Variants in YAP1 observed in about 807,000 individuals in gnomAD.
YAP1 encodes transcriptional coactivator YAP1.
A neutral mutation model predicts 56.9 loss-of-function variants in YAP1; 5 were observed. That is an observed-to-expected ratio of 0.09 (90% CI 0.05 to 0.18). The LOEUF is 0.18. YAP1 is among the 10% of genes least tolerant of loss of function. The pLI is 1.00. For synonymous variants in YAP1, 265 were observed against 248.1 expected, an observed-to-expected ratio of 1.07 and a Z score of -0.64; for missense variants, 539 against 651.8, an observed-to-expected ratio of 0.83 and a Z score of 1.88.
At chr11:102,128,831 G>A (rs916930415) in intron 2 of YAP1, among the ~76,000 whole-genome samples, 1 of 152,144 alleles carries the variant, frequency 6.6e-6, no homozygotes, top group African/African-American at 2.4e-5. Flanking sequence ...CCATTTCCAA[G>A]TTCTTCATCT....
At chr11:102,192,944 TG>T in intron 4 of YAP1, among the ~76,000 whole-genome samples, 1 of 152,184 alleles carries the variant, frequency 6.6e-6, no homozygotes, top group Non-Finnish European at 1.5e-5. Context: ...TGGGAAGTGC[TG>T]GGCTGAATAG....
intron 3 of YAP1, among the ~76,000 whole-genome samples, chr11:102,181,241 C>G (rs187534848): frequency 2.8e-4 from 43 of 151,756 alleles, no homozygotes; most frequent in African/African-American, 8.7e-4. Flanking sequence ...GTCAGGAGAT[C>G]GCGACAATCC....
At chr11:102,198,799 T>G (rs1200339526) in intron 4 of YAP1, among the ~76,000 whole-genome samples, 1 of 152,168 alleles carries the variant, frequency 6.6e-6, no homozygotes, top group Non-Finnish European at 1.5e-5. Flanking sequence ...ATAAAATGTT[T>G]CTGTGTGGAA....
At chr11:102,112,597 C>T (rs1220383136) in intron 1 of YAP1, 1 of 985,248 alleles carries the variant, frequency 1.0e-6, no homozygotes, top group East Asian at 1.1e-4. Flanking sequence ...CTCCTATTTG[C>T]AGGCCTGTTG....
chr11:102,140,172 A>G (rs1180383640), intron 2 of YAP1, among the ~76,000 whole-genome samples: 6 of 142,402 alleles, frequency 4.2e-5, no homozygotes, highest in Non-Finnish European at 6.2e-5. Flanking sequence ...GTGTTGTTGC[A>G]TGTTATTCTC....
intron 4 of YAP1, among the ~76,000 whole-genome samples, chr11:102,199,247 A>C (rs761522775): frequency 6.6e-6 from 1 of 152,228 alleles, no homozygotes; most frequent in Non-Finnish European, 1.5e-5. Flanking sequence ...ACCAAGGATT[A>C]AGTGAATTAC....
intron 2 of YAP1, among the ~76,000 whole-genome samples, chr11:102,154,502 A>G (rs1945834426): frequency 6.6e-6 from 1 of 152,170 alleles, no homozygotes; most frequent in African/African-American, 2.4e-5. Context: ...ATATGTGTGT[A>G]TATACATACA....
chr11:102,157,179 C>T (rs1946005338), intron 2 of YAP1, among the ~76,000 whole-genome samples: 1 of 152,046 alleles, frequency 6.6e-6, no homozygotes, highest in African/African-American at 2.4e-5. Flanking sequence ...ATCATAGAGG[C>T]AAAATGTTTA....
intron 4 of YAP1, among the ~76,000 whole-genome samples, chr11:102,191,454 G>C (rs1948276904): frequency 6.6e-6 from 1 of 151,586 alleles, no homozygotes; most frequent in African/African-American, 2.4e-5. Context: ...AGGTTATATA[G>C]TTAAATGGCA....
intron 2 of YAP1, among the ~76,000 whole-genome samples, chr11:102,130,136 A>T (rs1474402798): frequency 6.6e-6 from 1 of 152,158 alleles, no homozygotes; most frequent in African/African-American, 2.4e-5. Context: ...TAGCAGTCAG[A>T]GAAGAGGGTT....
At chr11:102,146,651 G>C (rs1945337328) in intron 2 of YAP1, among the ~76,000 whole-genome samples, 2 of 152,058 alleles carry the variant, frequency 1.3e-5, no homozygotes, top group Admixed American at 6.5e-5. Context: ...TATTCCTATA[G>C]CATTTCCTCA....
At chr11:102,174,679 C>G (rs1295508784) in intron 3 of YAP1, among the ~76,000 whole-genome samples, 2 of 152,134 alleles carry the variant, frequency 1.3e-5, no homozygotes, top group Non-Finnish European at 2.9e-5. Context: ...CAGATAGGCT[C>G]TTAATCATGT....
At chr11:102,189,398 C>T (rs992715606) in intron 4 of YAP1, among the ~76,000 whole-genome samples, 8 of 151,994 alleles carry the variant, frequency 5.3e-5, no homozygotes, top group Non-Finnish European at 7.4e-5. Context: ...ATGTTATTTT[C>T]GCTATTGTTT....
chr11:102,229,260 A>G (rs1950349594), intron 8 of YAP1, among the ~76,000 whole-genome samples: 1 of 152,162 alleles, frequency 6.6e-6, no homozygotes, highest in African/African-American at 2.4e-5. Flanking sequence ...GTATTCTTGC[A>G]GTCTTTCTAT....
intron 2 of YAP1, among the ~76,000 whole-genome samples, chr11:102,146,171 C>T (rs1044322644): frequency 2.0e-5 from 3 of 152,172 alleles, no homozygotes; most frequent in Non-Finnish European, 4.4e-5. Context: ...AGCCTCATCT[C>T]TCCCTCCCTC....
chr11:102,230,852 C>T lies in YAP1; in HGVS notation c.*912C>T, dbSNP rs147570253. The T allele has an allele frequency of 0.014, 2,122 of 152,218 alleles. 21 individuals are homozygous for T. The highest frequency in any genetic ancestry group is 0.02 in the Non-Finnish European group (1,334 of 67,994). The allele number at this position is 152,218 out of a possible 1,614,324, so 9.4% of individuals were successfully genotyped here. A position where few individuals can be genotyped will look rare whatever the true frequency, so the allele number is the denominator to read the frequency against. ...ACCTTATTTAAATCTCGATTATCTGCTCTCTCTTTTATATACATACACACA... is the reference window on the plus strand; with the variant it reads ...ACCTTATTTAAATCTCGATTATCTGTTCTCTCTTTTATATACATACACACA... On this transcript the variant is annotated 3_prime_UTR_variant, in exon 9 of 9. Coordinates refer to ENST00000282441, the MANE Select transcript of YAP1 (RefSeq NM_001130145.3).
In YAP1 at chr11:102,224,433, CCTT is replaced by C. The variant is rs371815948; in HGVS notation, c.1163+687_1163+689del. Among the ~76,000 whole-genome samples the C allele has an allele frequency of 2.0e-3, 308 of 152,248 alleles. 1 individual carries two copies. The highest frequency in any genetic ancestry group is 7.0e-3 in the African/African-American group (290 of 41,544). The stretch of plus-strand genomic sequence containing the variant: ...TTAAGATTAAGATTTAACTAAAATT[CCTT>C]CTTCTAGGTTGTGGAGTTTCAAACT... On this transcript the variant is annotated intron_variant, in intron 7 of 8. Coordinates refer to ENST00000282441, the MANE Select transcript of YAP1 (RefSeq NM_001130145.3).
intron 2 of YAP1, among the ~76,000 whole-genome samples, chr11:102,154,846 G>A (rs1448279565): frequency 6.6e-6 from 1 of 152,168 alleles, no homozygotes; most frequent in African/African-American, 2.4e-5. Flanking sequence ...ATACGCAATG[G>A]ATATGGTTTC....
intron 3 of YAP1, among the ~76,000 whole-genome samples, chr11:102,165,220 G>T (rs1946532565): frequency 6.6e-6 from 1 of 151,832 alleles, no homozygotes; most frequent in Non-Finnish European, 1.5e-5. Context: ...AGTCTGTCAT[G>T]GTGGTGCATA....
Sources: gnomAD v4.1 joint callset for allele counts (sites outside exome capture counted in the v4.1 genomes callset) on GRCh38, gnomAD v4.1.1 for gene constraint, MANE v1.5 for transcripts, NCBI Gene and HGNC (gene_info 2026-07-23, HGNC 2026-07-21) for gene names.